The following RASGRF2 variants were observed in gnomAD, a reference collection of about 807,000 sequenced individuals.
RASGRF2 encodes the protein ras-specific guanine nucleotide-releasing factor 2.
Under a neutral mutation model 151.0 loss-of-function variants are expected in RASGRF2, and 76 were observed. The observed-to-expected ratio is 0.50, with a 90% CI of 0.42 to 0.61. The LOEUF is 0.61. Ranked by LOEUF, RASGRF2 falls within the 20% of genes least tolerant of loss-of-function variation. The pLI, the probability that RASGRF2 is intolerant of heterozygous loss-of-function variation, is 0.00. For missense variants in RASGRF2, 1,148 were observed against 1,564.6 expected, an observed-to-expected ratio of 0.73 and a Z score of 4.49; for synonymous variants, 504 against 566.5, an observed-to-expected ratio of 0.89 and a Z score of 1.57.
At chr5:81,074,451 A>G (rs919433365) in intron 5 of RASGRF2, among the ~76,000 whole-genome samples, 6 of 152,204 alleles carry the variant, frequency 3.9e-5, no homozygotes, top group Admixed American at 1.3e-4. Context: ...TAGCAGTTGC[A>G]CTGTCACCCT....
intron 3 of RASGRF2, among the ~76,000 whole-genome samples, chr5:81,069,647 A>G (rs964355807): frequency 6.6e-6 from 1 of 152,182 alleles, no homozygotes; most frequent in Non-Finnish European, 1.5e-5. Flanking sequence ...GCCATAATTT[A>G]TTTCCTACTC....
chr5:81,057,824 G>C (rs545320006), intron 2 of RASGRF2, among the ~76,000 whole-genome samples: 1 of 151,922 alleles, frequency 6.6e-6, no homozygotes, highest in Admixed American at 6.6e-5. Flanking sequence ...GTGAGACCTC[G>C]TCTCCACAAA....
chr5:81,099,350 C>A (rs182284437), intron 12 of RASGRF2, among the ~76,000 whole-genome samples: 8 of 152,322 alleles, frequency 5.3e-5, no homozygotes, highest in African/African-American at 1.7e-4. Context: ...CATCAATTTA[C>A]TGCTTTTATA....
intron 18 of RASGRF2, among the ~76,000 whole-genome samples, chr5:81,188,994 T>C (rs1264735472): frequency 1.3e-5 from 2 of 152,254 alleles, no homozygotes; most frequent in African/African-American, 4.8e-5. Flanking sequence ...TGTTTCTCAA[T>C]CTTTCCTTAG....
intron 15 of RASGRF2, among the ~76,000 whole-genome samples, chr5:81,122,881 C>T (rs1753346953): frequency 6.6e-6 from 1 of 152,144 alleles, no homozygotes; most frequent in African/African-American, 2.4e-5. Context: ...ATGTTAGCTG[C>T]AGCAAAGAAG....
intron 1 of RASGRF2, among the ~76,000 whole-genome samples, chr5:81,017,817 A>G (rs567190): frequency 0.23 from 35,259 of 151,356 alleles, 4,818 homozygotes; most frequent in Middle Eastern, 0.46. Flanking sequence ...ACTTTTCTGG[A>G]CAAGGTGCAG....
chr5:81,131,415 C>T (rs950201509), intron 17 of RASGRF2, among the ~76,000 whole-genome samples: 1 of 151,970 alleles, frequency 6.6e-6, no homozygotes, highest in Non-Finnish European at 1.5e-5. Flanking sequence ...AGTGCAGGGG[C>T]GTGATCTTGG....
intron 2 of RASGRF2, among the ~76,000 whole-genome samples, chr5:81,051,900 G>A (rs773573588): frequency 3.9e-4 from 59 of 152,304 alleles, no homozygotes; most frequent in Non-Finnish European, 6.8e-4. Context: ...ATGCCAAACT[G>A]TTTTCTACAG....
At chr5:81,169,719 CTGAT>C (rs977496384) in intron 17 of RASGRF2, among the ~76,000 whole-genome samples, 1 of 152,186 alleles carries the variant, frequency 6.6e-6, no homozygotes, top group African/African-American at 2.4e-5. Context: ...ACCTTCAGAT[CTGAT>C]TGATCAGCAC....
chr5:81,186,302 G>A (rs770143505), intron 18 of RASGRF2, among the ~76,000 whole-genome samples: 1 of 152,088 alleles, frequency 6.6e-6, no homozygotes, highest in African/African-American at 2.4e-5. Context: ...TCAAGATCTG[G>A]GACATTTCCA....
chr5:81,143,029 C>A (rs557252973), intron 17 of RASGRF2, among the ~76,000 whole-genome samples: 209 of 152,226 alleles, frequency 1.4e-3, no homozygotes, highest in South Asian at 4.4e-3. Context: ...AAAATATATT[C>A]GTAGTATCCC....
intron 12 of RASGRF2, among the ~76,000 whole-genome samples, chr5:81,101,006 G>C (rs1040319776): frequency 3.3e-5 from 5 of 152,142 alleles, no homozygotes; most frequent in African/African-American, 1.2e-4. Context: ...CTTGTCCAAA[G>C]ACCAGCTGCT....
chr5:81,140,578 G>T (rs1345462999), intron 17 of RASGRF2, among the ~76,000 whole-genome samples: 1 of 152,128 alleles, frequency 6.6e-6, no homozygotes, highest in African/African-American at 2.4e-5. Flanking sequence ...GGTGGGCTTT[G>T]CATTCTCTTC....
In RASGRF2 at chr5:81,222,997, A is replaced by T. The variant is rs190431477; in HGVS notation, c.3622-2681A>T. On this transcript the variant is annotated intron_variant, in intron 26 of 26. Transcript: ENST00000265080. ...GCAATAAGCAATTCAAATGTAATAT[A>T]AAAAACCTCAATCAAAATAGCAACA... Among the ~76,000 whole-genome samples, 39 of 152,358 alleles carry T rather than the reference A, an allele frequency of 2.6e-4. 1 individual carries two copies. The highest frequency in any genetic ancestry group is 9.4e-4 in the African/African-American group (39 of 41,578).
chr5:81,223,360 AGCCGG>A (rs1755894759), intron 26 of RASGRF2: 1 of 142,440 alleles, frequency 7.0e-6, no homozygotes, highest in South Asian at 2.3e-4. Context: ...GGCAGGACTC[AGCCGG>A]GCGCGGTGGC....
chr5:81,186,399 G>A (rs1004991610), intron 18 of RASGRF2, among the ~76,000 whole-genome samples: 1 of 152,082 alleles, frequency 6.6e-6, no homozygotes, highest in Non-Finnish European at 1.5e-5. Flanking sequence ...TTGACATTAT[G>A]AGCTTTTTAT....
At position 81,113,551 on chromosome 5, in the gene RASGRF2, T is replaced by C. The variant is rs1478154275; in HGVS notation, c.2101T>C (p.Phe701Leu). 6 of 1,610,498 alleles carry C rather than the reference T, an allele frequency of 3.7e-6. No individual in the cohort carries two copies. Among genetic ancestry groups the C allele is most frequent in the Non-Finnish European group, 4.2e-6 (5 of 1,176,930 alleles). Residue 701 changes from phenylalanine (F) to leucine (L), a missense_variant, in exon 15 of 27, where the codon TTT becomes CTT. Phe to Leu is a conservative substitution (Grantham distance 22). This residue lies in a region of RASGRF2 where 646 missense variants were observed against 807.4 expected (regional missense o/e 0.80). Coordinates refer to ENST00000265080, the MANE Select transcript of RASGRF2 (RefSeq NM_006909.3). ...TCTCATTTTTAGGTCATTGGAATTG[T>C]TTTTTGCTACCAGCCAGAACAACAG... ...TSIPVRSLEL[F>L]FATSQNNRGE...
chr5:81,136,875 T>G (rs538744603), intron 17 of RASGRF2, among the ~76,000 whole-genome samples: 76 of 152,206 alleles, frequency 5.0e-4, no homozygotes, highest in Admixed American at 3.0e-3. Context: ...TATTCTTCCC[T>G]CAGCTATGTT....
At chr5:81,068,214 T>G in intron 3 of RASGRF2, 35 bp downstream of exon 3, 2 of 1,592,122 alleles carry the variant, frequency 1.3e-6, no homozygotes, top group Non-Finnish European at 1.7e-6. Flanking sequence ...TCTCATTGTT[T>G]CACGTTTACC....
Sources: allele counts gnomAD v4.1 joint callset (sites outside exome capture counted in the v4.1 genomes callset), GRCh38; gene constraint gnomAD v4.1.1; regional missense constraint gnomAD v4.1.1; transcripts MANE v1.5; gene names NCBI Gene and HGNC (gene_info 2026-07-23, HGNC 2026-07-21).